The following TLN2 variants were observed in gnomAD, a reference collection of about 807,000 sequenced individuals.
The protein encoded by TLN2 is talin-2.
TLN2 carries 118 observed loss-of-function variants against 294.7 expected under a neutral mutation model. The observed-to-expected ratio is 0.40, with a 90% CI of 0.34 to 0.47. The LOEUF is 0.47. Among genes scored for constraint, TLN2 ranks in the 20% least tolerant of loss-of-function variants. The pLI is 0.84. For missense variants in TLN2, 3,083 were observed against 3,282.2 expected, an observed-to-expected ratio of 0.94 and a Z score of 1.48; for synonymous variants, 1,431 against 1,304.5, an observed-to-expected ratio of 1.10 and a Z score of -2.09.
rs946324236 is a variant in TLN2, at chr15:62,686,753, C to T, written c.1070C>T (p.Thr357Ile). Reference sequence around the variant, plus strand: ...GAAGTGCTGCAGGAGTGGCCCCTCACCACCGTCAAGCGCTGGGCAGCCTCA... The same window carrying T: ...GAAGTGCTGCAGGAGTGGCCCCTCATCACCGTCAAGCGCTGGGCAGCCTCA... ...TKEVLQEWPL[T>I]TVKRWAASPK... Residue 357 changes from threonine to isoleucine, a missense_variant, in exon 12 of 59, where the codon ACC becomes ATC. By Grantham distance (89) the Thr-to-Ile change is moderately conservative (BLOSUM62 -1). Coordinates refer to ENST00000636159, the MANE Select transcript of TLN2 (RefSeq NM_015059.3). 2 of 1,613,620 alleles carry T rather than the reference C, an allele frequency of 1.2e-6. No individual in the cohort carries two copies. The highest frequency in any genetic ancestry group is 1.7e-6 in the Non-Finnish European group (2 of 1,179,922).
intron 3 of TLN2, among the ~76,000 whole-genome samples, chr15:62,631,702 T>C (rs61466977): frequency 0.32 from 45,137 of 142,300 alleles, 7,998 homozygotes; most frequent in East Asian, 0.69. Context: ...TCTTTCTTTC[T>C]CTCCCTCCCT....
chr15:62,460,463 A>T (rs1202515720), intron 1 of TLN2, among the ~76,000 whole-genome samples: 2 of 152,042 alleles, frequency 1.3e-5, no homozygotes, highest in African/African-American at 4.8e-5. Flanking sequence ...GGGTTTCTCC[A>T]TGTTGGTCAG....
chr15:62,458,604 G>GAAAAAAAAAAAA (rs55990249), intron 1 of TLN2, among the ~76,000 whole-genome samples: 6 of 130,134 alleles, frequency 4.6e-5, no homozygotes, highest in African/African-American at 1.2e-4. Flanking sequence ...CGTCTCTACA[G>GAAAAAAAAAAAA]AAAAAAAAAA....
intron 14 of TLN2, among the ~76,000 whole-genome samples, chr15:62,696,847 G>A (rs1487231682): frequency 6.6e-6 from 1 of 152,172 alleles, no homozygotes; most frequent in Non-Finnish European, 1.5e-5. Flanking sequence ...CATCCTCTGT[G>A]GTCAATGGTG....
chr15:62,738,075 A>G, intron 29 of TLN2, 139 bp from the exon 30 acceptor site: 1 of 899,304 alleles, frequency 1.1e-6, no homozygotes, highest in Non-Finnish European at 1.7e-6. Flanking sequence ...GAGGTGATGT[A>G]AGACAGGTAA....
chr15:62,791,911 C>T (rs987900925), intron 45 of TLN2, among the ~76,000 whole-genome samples: 3 of 152,152 alleles, frequency 2.0e-5, no homozygotes, highest in African/African-American at 4.8e-5. Context: ...GCAGCTAATC[C>T]ACAGCGGAGC....
intron 10 of TLN2, among the ~76,000 whole-genome samples, chr15:62,674,479 G>A (rs996795540): frequency 1.3e-5 from 2 of 151,514 alleles, no homozygotes; most frequent in African/African-American, 2.4e-5. Context: ...TCGTGCACAG[G>A]CGTGTATTTA....
intron 54 of TLN2, chr15:62,828,541 G>A (rs1350249437): frequency 6.6e-6 from 1 of 152,198 alleles, no homozygotes; most frequent in Non-Finnish European, 1.5e-5. Flanking sequence ...GTTTACATTT[G>A]TATGTCCATG....
chr15:62,608,951 G>C (rs962499478), intron 2 of TLN2, among the ~76,000 whole-genome samples: 2 of 152,068 alleles, frequency 1.3e-5, no homozygotes, highest in Non-Finnish European at 1.5e-5. Context: ...ATGGGTAATA[G>C]GAGGTCTGTT....
At chr15:62,509,836 A>G (rs2039838465) in intron 1 of TLN2, among the ~76,000 whole-genome samples, 1 of 152,002 alleles carries the variant, frequency 6.6e-6, no homozygotes, top group African/African-American at 2.4e-5. Flanking sequence ...CTGCCTCCTA[A>G]TGCCTGGGCT....
intron 19 of TLN2, among the ~76,000 whole-genome samples, chr15:62,703,562 A>G (rs2058850111): frequency 1.3e-5 from 2 of 151,772 alleles, no homozygotes; most frequent in Admixed American, 6.6e-5. Flanking sequence ...TAATGGCATC[A>G]TTCTTGAGTC....
intron 1 of TLN2, among the ~76,000 whole-genome samples, chr15:62,550,723 C>T (rs757274947): frequency 6.6e-6 from 1 of 152,110 alleles, no homozygotes; most frequent in Non-Finnish European, 1.5e-5. Context: ...CAGGTAACCA[C>T]AAGAATCTCC....
intron 24 of TLN2, 61 bp from the exon 25 acceptor site, chr15:62,719,706 A>G (rs1567448516): frequency 2.2e-6 from 3 of 1,373,358 alleles, no homozygotes; most frequent in East Asian, 2.5e-5. Flanking sequence ...GTCATGGTCT[A>G]GCTTCTTTGG....
intron 31 of TLN2, chr15:62,740,324 G>A (rs531830782): frequency 1.1e-5 from 3 of 268,908 alleles, no homozygotes; most frequent in South Asian, 1.5e-4. Flanking sequence ...CTCACAGCTC[G>A]CTCACTCTCC....
chr15:62,783,055 A>G (rs952339733), intron 44 of TLN2, among the ~76,000 whole-genome samples: 1 of 152,238 alleles, frequency 6.6e-6, no homozygotes, highest in Non-Finnish European at 1.5e-5. Context: ...GCATCAGTCA[A>G]TGAAACAGAG....
At chr15:62,710,284 A>G (rs2059340177) in intron 21 of TLN2, among the ~76,000 whole-genome samples, 2 of 152,296 alleles carry the variant, frequency 1.3e-5, no homozygotes, top group East Asian at 1.9e-4. Context: ...TTTTAAATGT[A>G]TTTAAGAAAT....
chr15:62,740,111 T>C (rs2061244090), intron 31 of TLN2, among the ~76,000 whole-genome samples: 1 of 151,818 alleles, frequency 6.6e-6, no homozygotes, highest in Non-Finnish European at 1.5e-5. Flanking sequence ...TGTATCTTCT[T>C]CTAGTATCTA....
intron 22 of TLN2, 53 bp downstream of exon 22, chr15:62,712,130 T>C: frequency 6.3e-7 from 1 of 1,582,456 alleles, no homozygotes; most frequent in Non-Finnish European, 8.6e-7. Flanking sequence ...AGTGTTAGGA[T>C]TTGGAAGGTA....
At chr15:62,700,120 T>G (rs1320865040) in intron 16 of TLN2, among the ~76,000 whole-genome samples, 1 of 152,232 alleles carries the variant, frequency 6.6e-6, no homozygotes, top group Non-Finnish European at 1.5e-5. Flanking sequence ...AAACATTTGC[T>G]TTGGGGAACT....
Sources: gnomAD v4.1 joint callset for allele counts (sites outside exome capture counted in the v4.1 genomes callset) on GRCh38, gnomAD v4.1.1 for gene constraint, MANE v1.5 for transcripts, NCBI Gene and HGNC (gene_info 2026-07-23, HGNC 2026-07-21) for gene names.